The following ATAD2 variants were observed in gnomAD, a reference collection of about 807,000 sequenced individuals.
ATAD2 encodes the protein ATPase family AAA domain-containing protein 2.
In ATAD2, 62 loss-of-function variants were observed where a neutral mutation model predicts 168.9. That is an observed-to-expected ratio of 0.37 (90% CI 0.30 to 0.45). The LOEUF (loss-of-function observed/expected upper bound fraction) is 0.45. Among genes scored for constraint, ATAD2 ranks in the 20% least tolerant of loss-of-function variants. ATAD2 has a pLI of 1.00. For synonymous variants in ATAD2, 613 were observed against 571.6 expected (o/e 1.07, Z -1.03); for missense variants, 1,419 against 1,667.8 (o/e 0.85, Z 2.60).
intron 21 of ATAD2, among the ~76,000 whole-genome samples, chr8:123,337,158 T>G (rs762729128): frequency 6.7e-6 from 1 of 149,646 alleles, no homozygotes; most frequent in Non-Finnish European, 1.5e-5. Context: ...AGGTCAGGAG[T>G]TTGAGACCAG....
At chr8:123,357,437 A>G in intron 12 of ATAD2, 125 bp downstream of exon 12, 1 of 941,284 alleles carries the variant, frequency 1.1e-6, no homozygotes, top group Non-Finnish European at 1.5e-6. Context: ...AATAATCTAG[A>G]AAGAAATAGT....
intron 2 of ATAD2, among the ~76,000 whole-genome samples, chr8:123,374,194 A>C (rs1829238055): frequency 6.6e-6 from 1 of 152,120 alleles, no homozygotes. Flanking sequence ...ACAAACAAAC[A>C]AACAAGCAAA....
intron 1 of ATAD2, among the ~76,000 whole-genome samples, chr8:123,381,254 T>C (rs539382791): frequency 5.3e-4 from 80 of 152,168 alleles, no homozygotes; most frequent in Non-Finnish European, 9.8e-4. Context: ...TCCTAGCATT[T>C]TGGGAGACCT....
chr8:123,346,743 A>G lies in ATAD2; in HGVS notation c.2220T>C (p.Ser740=). 1 of 1,583,476 alleles carries G rather than the reference A, an allele frequency of 6.3e-7. No homozygotes were observed. The highest frequency in any genetic ancestry group is 1.2e-5 in the South Asian group (1 of 83,058). ...CCAAGTCACTTTCTAGCAGAGGACAAGAAATATCTATAAAACCAAAAAATT... is the reference window on the plus strand; with the variant it reads ...CCAAGTCACTTTCTAGCAGAGGACAGGAAATATCTATAAAACCAAAAAATT... The part of the protein sequence containing the change: ...RTNKTLDSDI[S]CPLLESDLAY... Residue 740 remains serine (S), a synonymous_variant, in exon 17 of 28, where the codon TCT becomes TCC. Coordinates refer to ENST00000287394, the MANE Select transcript of ATAD2 (RefSeq NM_014109.4).
intron 1 of ATAD2, among the ~76,000 whole-genome samples, chr8:123,413,403 T>C (rs1563874702): frequency 2.6e-5 from 4 of 152,186 alleles, no homozygotes; most frequent in Admixed American, 2.6e-4. Context: ...ACAGTACCTA[T>C]GTTCTGCCAG....
intron 1 of ATAD2, among the ~76,000 whole-genome samples, chr8:123,410,062 T>C (rs375784632): frequency 3.9e-5 from 6 of 152,208 alleles, no homozygotes; most frequent in African/African-American, 7.2e-5. Flanking sequence ...TCCTTTTACA[T>C]GTCTGTGGCC....
upstream of ATAD2, chr8:123,401,102 G>C: frequency 2.0e-6 from 3 of 1,490,286 alleles, no homozygotes; most frequent in Admixed American, 1.7e-5. Context: ...ACCCTCCTCA[G>C]TGAGGTGATG....
intron 19 of ATAD2, among the ~76,000 whole-genome samples, chr8:123,344,344 CT>C (rs764379399): frequency 0.027 from 3,371 of 125,804 alleles, 34 homozygotes; most frequent in African/African-American, 0.085. Context: ...TTTTTAAATA[CT>C]TTTTTTTTTT....
At position 123,402,011 on chromosome 8, in the gene ATAD2, A is replaced by T; in HGVS notation, c.-2281-836T>A. 6.9e-7 allele frequency: 1 copy of T among 1,458,580 alleles called. No homozygotes were observed. The highest frequency in any genetic ancestry group is 9.6e-7 in the Non-Finnish European group (1 of 1,043,030). 90.4% of individuals were successfully genotyped at this position (1,458,580 alleles called of 1,614,324 possible). ...CAGCCTGTCTGTCCTTTGGTCCATG[A>T]TGTACTCAGGAGAGCTCAAGTTTGA... is the stretch of plus-strand genomic sequence containing the variant. On this transcript the variant is annotated intron_variant, in intron 1 of 28. Coordinates refer to the ATAD2 transcript ENST00000521903. The surrounding 1 kb of genome is among the most constrained non-coding windows in gnomAD (Gnocchi z 4.8).
chr8:123,399,961 C>T (rs1421432071), upstream of ATAD2, among the ~76,000 whole-genome samples: 1 of 151,894 alleles, frequency 6.6e-6, no homozygotes, highest in African/African-American at 2.4e-5. Context: ...GTCAGGAGTT[C>T]GAGACTAGCC....
chr8:123,348,008 T>C, intron 15 of ATAD2, 175 bp downstream of exon 15: 1 of 667,642 alleles, frequency 1.5e-6, no homozygotes. Flanking sequence ...AAATAAGAGA[T>C]AAGAAACAAA....
At position 123,337,805 on chromosome 8, in the gene ATAD2, C is replaced by A; in HGVS notation, c.2871G>T (p.Glu957Asp). ...SKKKAVLQAL[E>D]VLPVAPPPEP... ...CAGGTGGTGGTGCTACTGGGAGTAC[C>A]TCCAAAGCCTGCAAAACTTCACATG... The change falls in exon 21 of 28, where the codon GAG becomes GAT. Residue 957 changes from glutamate (E) to aspartate (D), a missense_variant. This residue lies in a region of ATAD2 where 545 missense variants were observed against 724.9 expected (regional missense o/e 0.75). Coordinates refer to ENST00000287394, the MANE Select transcript of ATAD2 (RefSeq NM_014109.4). 1 of 1,598,010 alleles carries A rather than the reference C, an allele frequency of 6.3e-7. No individual in the cohort carries two copies. Among genetic ancestry groups the A allele is most frequent in the Non-Finnish European group, 8.5e-7 (1 of 1,174,536 alleles).
intron 2 of ATAD2, among the ~76,000 whole-genome samples, chr8:123,379,173 T>G (rs919589364): frequency 6.6e-6 from 1 of 152,146 alleles, no homozygotes; most frequent in African/African-American, 2.4e-5. Flanking sequence ...TCCAGTTCCA[T>G]GAATTTAGCC....
At chr8:123,387,126 C>T (rs1010732411) in intron 1 of ATAD2, among the ~76,000 whole-genome samples, 4 of 151,906 alleles carry the variant, frequency 2.6e-5, no homozygotes, top group Non-Finnish European at 5.9e-5. Flanking sequence ...CATTTTTTTC[C>T]TATGCAAACA....
upstream of ATAD2, among the ~76,000 whole-genome samples, chr8:123,397,492 C>T (rs1400718996): frequency 6.6e-6 from 1 of 152,138 alleles, no homozygotes; most frequent in Non-Finnish European, 1.5e-5. Context: ...GATGGCTTCT[C>T]TAAGATGGCA....
intron 1 of ATAD2, chr8:123,401,598 C>T: frequency 1.6e-6 from 2 of 1,248,500 alleles, no homozygotes; most frequent in Non-Finnish European, 2.3e-6. Context: ...TGGTTGCCCC[C>T]AGGGCACTGT....
intron 12 of ATAD2, 28 bp downstream of exon 12, chr8:123,357,534 C>A: frequency 6.3e-7 from 1 of 1,584,964 alleles, no homozygotes; most frequent in South Asian, 1.2e-5. Context: ...ACAGAACTAT[C>A]CAGATATATA....
intron 1 of ATAD2, among the ~76,000 whole-genome samples, chr8:123,391,125 A>C (rs1039868820): frequency 6.6e-6 from 1 of 152,094 alleles, no homozygotes; most frequent in African/African-American, 2.4e-5. Flanking sequence ...AACAACCCTA[A>C]ATTTACAGAA....
chr8:123,332,683 T>G (rs28576831), intron 24 of ATAD2, among the ~76,000 whole-genome samples: 4 of 152,154 alleles, frequency 2.6e-5, no homozygotes, highest in African/African-American at 9.7e-5. Context: ...ACCCCCAGTG[T>G]TGAACCATGA....
Sources: gnomAD v4.1 joint callset for allele counts (sites outside exome capture counted in the v4.1 genomes callset) on GRCh38, gnomAD v4.1.1 for gene constraint, gnomAD v4.1.1 regional missense constraint, Gnocchi (gnomAD v3.1) non-coding constraint, MANE v1.5 for transcripts, NCBI Gene and HGNC (gene_info 2026-07-23, HGNC 2026-07-21) for gene names.